ABHD12: variants seen among roughly 807,000 people sequenced by gnomAD.
ABHD12 encodes abhydrolase domain containing 12, lysophospholipase.
In ABHD12, 43 loss-of-function variants were observed where a neutral mutation model predicts 58.3. That is an observed-to-expected ratio of 0.74 (90% CI 0.58 to 0.95). The LOEUF (loss-of-function observed/expected upper bound fraction) is 0.95. ABHD12 is among the 40% of genes least tolerant of loss of function. The pLI, the probability that ABHD12 is intolerant of heterozygous loss-of-function variation, is 0.00. For missense variants in ABHD12, 539 were observed against 537.2 expected (o/e 1.00, Z -0.03); for synonymous variants, 219 against 211.2 (o/e 1.04, Z -0.32).
chr20:25,380,754 G>A (rs1568775868), intron 1 of ABHD12, among the ~76,000 whole-genome samples: 1 of 152,152 alleles, frequency 6.6e-6, no homozygotes, highest in Non-Finnish European at 1.5e-5. Context: ...TGACTTGTCT[G>A]CTGGGAGAGT....
chr20:25,370,209 C>A (rs2089882545), intron 1 of ABHD12, among the ~76,000 whole-genome samples: 1 of 152,154 alleles, frequency 6.6e-6, no homozygotes, highest in Non-Finnish European at 1.5e-5. Context: ...TCATGCATCC[C>A]AGTGATTACT....
downstream of ABHD12, among the ~76,000 whole-genome samples, chr20:25,299,307 GGGA>G (rs2088597391): frequency 6.6e-6 from 1 of 152,108 alleles, no homozygotes; most frequent in African/African-American, 2.4e-5. Flanking sequence ...AGGCTGAGGT[GGGA>G]GAACTGCTTG....
At chr20:25,339,823 G>T in intron 1 of ABHD12, 2 of 1,164,532 alleles carry the variant, frequency 1.7e-6, no homozygotes. Flanking sequence ...AACAGAACCT[G>T]CCTGACCAGG....
chr20:25,329,421 A>G (rs1235821169), intron 2 of ABHD12, among the ~76,000 whole-genome samples: 1 of 151,956 alleles, frequency 6.6e-6, no homozygotes, highest in African/African-American at 2.4e-5. Flanking sequence ...TGCTTCCCCC[A>G]GTTTTCACTG....
chr20:25,373,116 C>T (rs1006431373), intron 1 of ABHD12, among the ~76,000 whole-genome samples: 2 of 152,192 alleles, frequency 1.3e-5, no homozygotes, highest in South Asian at 4.1e-4. Context: ...GCCGTACCAT[C>T]TATGTTTGTG....
chr20:25,322,362 G>GATATAT lies in ABHD12; in HGVS notation c.422+957_422+962dup, dbSNP rs1312326738. 2.9e-4 allele frequency among the ~76,000 whole-genome samples: 19 copies of GATATAT among 66,108 alleles called. 1 individual carries two copies. Among genetic ancestry groups the GATATAT allele is most frequent in the African/African-American group, 1.1e-3 (16 of 14,606 alleles). The allele number at this position is 66,108 out of a possible 152,430, so 43.4% of individuals were successfully genotyped here. On this transcript the variant is annotated intron_variant, in intron 3 of 12. Transcript: ENST00000339157. ...ATCTAGATGTTCACCTCTTGGAAAA[G>GATATAT]ATATATATATATATATATATTTTTT... is the stretch of plus-strand genomic sequence containing the variant.
intron 1 of ABHD12, among the ~76,000 whole-genome samples, chr20:25,382,133 C>A (rs1426190643): frequency 6.6e-6 from 1 of 152,200 alleles, no homozygotes; most frequent in Non-Finnish European, 1.5e-5. Flanking sequence ...CAGAGTGTTA[C>A]ACAACTCACC....
At chr20:25,370,151 C>T (rs570154595) in intron 1 of ABHD12, among the ~76,000 whole-genome samples, 11 of 152,296 alleles carry the variant, frequency 7.2e-5, no homozygotes, top group Admixed American at 2.6e-4. Context: ...TGCCTTGGGG[C>T]GCTGACTGTG....
Position 25,308,476 on chromosome 20 carries a change from C to T in ABHD12, c.768G>A (p.Val256=), listed in dbSNP as rs1447097201. 1 of 1,611,824 alleles carries T rather than the reference C, an allele frequency of 6.2e-7. No homozygotes were observed. The highest frequency in any genetic ancestry group is 8.5e-7 in the Non-Finnish European group (1 of 1,179,114). ...ACTCACCTCGCTCACAGAGGCGCCG[C>T]ACCAGATTTGTCGCCACGCTAGGAA... ...SLGTGVATNL[V]RRLCERETPP... The change falls in exon 8 of 13, where the codon GTG becomes GTA. Residue 256 remains valine, a synonymous_variant. Coordinates refer to ENST00000339157, the MANE Select transcript of ABHD12 (RefSeq NM_001042472.3).
intron 11 of ABHD12, chr20:25,303,217 C>A: frequency 8.3e-7 from 1 of 1,210,474 alleles, no homozygotes; most frequent in African/African-American, 1.6e-5. Context: ...GCTGAGTTCC[C>A]AGGTTGGCCT....
chr20:25,318,342 G>C (rs201077322), intron 4 of ABHD12, among the ~76,000 whole-genome samples: 1 of 152,252 alleles, frequency 6.6e-6, no homozygotes, highest in East Asian at 1.9e-4. Context: ...ATAAAGGAAT[G>C]AGTTTCAAGG....
chr20:25,372,551 A>C (rs1269171539), intron 1 of ABHD12, among the ~76,000 whole-genome samples: 1 of 152,066 alleles, frequency 6.6e-6, no homozygotes, highest in East Asian at 1.9e-4. Context: ...TTTGCCTTTG[A>C]AGATATTTGG....
intron 4 of ABHD12, among the ~76,000 whole-genome samples, 197 bp downstream of exon 4, chr20:25,320,002 G>A (rs143009350): frequency 1.1e-3 from 175 of 152,306 alleles, no homozygotes; most frequent in African/African-American, 3.7e-3. Flanking sequence ...CCTAAACTCC[G>A]CCTTCCCTCA....
Position 25,390,476 on chromosome 20 carries a change from GGCCCCC to G in ABHD12, c.191+31_191+36del, listed in dbSNP as rs139848340. The G allele has an allele frequency of 0.76, 787,124 of 1,034,608 alleles. 294,641 individuals are homozygous for G. Among genetic ancestry groups the G allele is most frequent in the Admixed American group, 0.83 (24,736 of 29,664 alleles). 64.1% of individuals were successfully genotyped at this position (1,034,608 alleles called of 1,614,324 possible). ...ACGCACCTGCGCAAAGTGAGGGACC[GGCCCCC>G]CCCCCCCCCCCGCTCCGCGCGAAGC... On this transcript the variant is annotated intron_variant, in intron 1 of 12. Coordinates refer to ENST00000339157, the MANE Select transcript of ABHD12 (RefSeq NM_001042472.3).
In ABHD12 at chr20:25,317,062, C is replaced by G; in HGVS notation, c.559G>C (p.Val187Leu). 1 of 1,612,788 alleles carries G rather than the reference C, an allele frequency of 6.2e-7. No homozygotes were observed. Among genetic ancestry groups the G allele is most frequent in the Non-Finnish European group, 8.5e-7 (1 of 1,179,532 alleles). Reference sequence around the variant, plus strand: ...CCTGCACTCACCTTGTAAAGCTCCACGCGGTGGTCGCCTCCTCTGGAGAAG... The same window carrying G: ...CCTGCACTCACCTTGTAAAGCTCCAGGCGGTGGTCGCCTCCTCTGGAGAAG... ...NAGTRGGDHR[V>L]ELYKVLSSLG... is the part of the protein sequence containing the mutation. Residue 187 changes from valine to leucine, a missense_variant, in exon 5 of 13, where the codon GTG becomes CTG. Val to Leu is a conservative substitution (Grantham distance 32). Coordinates refer to ENST00000339157, the MANE Select transcript of ABHD12 (RefSeq NM_001042472.3).
intron 1 of ABHD12, among the ~76,000 whole-genome samples, chr20:25,350,557 G>C (rs1200708388): frequency 2.6e-5 from 4 of 152,180 alleles, no homozygotes; most frequent in African/African-American, 4.8e-5. Flanking sequence ...CCATGATAGT[G>C]AGGGCTCCCC....
intron 1 of ABHD12, among the ~76,000 whole-genome samples, chr20:25,376,717 A>G (rs1355130081): frequency 6.6e-6 from 1 of 152,220 alleles, no homozygotes; most frequent in Non-Finnish European, 1.5e-5. Context: ...AAGTCCCACA[A>G]GGACTGGGAT....
chr20:25,315,893 G>A (rs1317851410), intron 5 of ABHD12, among the ~76,000 whole-genome samples: 1 of 152,084 alleles, frequency 6.6e-6, no homozygotes, highest in African/African-American at 2.4e-5. Context: ...AGTGCAGATG[G>A]CCCTCTGAGG....
chr20:25,351,903 A>C (rs2089605412), intron 1 of ABHD12, among the ~76,000 whole-genome samples: 1 of 152,224 alleles, frequency 6.6e-6, no homozygotes. Context: ...CTGTGTCTCA[A>C]AACAAAAAAA....
Sources: gnomAD v4.1 joint callset for allele counts (sites outside exome capture counted in the v4.1 genomes callset) on GRCh38, gnomAD v4.1.1 for gene constraint, MANE v1.5 for transcripts, NCBI Gene and HGNC (gene_info 2026-07-23, HGNC 2026-07-21) for gene names.